LRRFIP1: variants seen among roughly 807,000 people sequenced by gnomAD.
LRRFIP1 encodes leucine-rich repeat flightless-interacting protein 1.
LRRFIP1 carries 62 observed loss-of-function variants against 104.4 expected under a neutral mutation model. That is an observed-to-expected ratio of 0.59 (90% confidence interval 0.48 to 0.73). LRRFIP1 has a LOEUF of 0.73. LRRFIP1 is among the 30% of genes least tolerant of loss of function. The pLI, the probability that LRRFIP1 is intolerant of heterozygous loss-of-function variation, is 0.00. For synonymous variants in LRRFIP1, 300 were observed against 299.0 expected (o/e 1.00, Z -0.03); for missense variants, 796 against 824.5 (o/e 0.97, Z 0.42).
In LRRFIP1 at chr2:237,748,499, C is replaced by T. The variant is rs11692182; in HGVS notation, c.669+100C>T. 53,040 of 1,136,436 alleles carry T rather than the reference C, an allele frequency of 0.047. 1,513 individuals are homozygous for T. Among genetic ancestry groups the T allele is most frequent in the African/African-American group, 0.12 (7,494 of 63,674 alleles). The allele number at this position is 1,136,436 out of a possible 1,614,324, so 70.4% of individuals were successfully genotyped here. On this transcript the variant is annotated intron_variant, in intron 12 of 23. Coordinates refer to ENST00000308482, the MANE Select transcript of LRRFIP1 (RefSeq NM_001137550.2). ...TTTTTTTAATAAGGATGTTCCCCAGCGAGGGAACTGGACTAGAAAGCGGCC... is the reference window on the plus strand; with the variant it reads ...TTTTTTTAATAAGGATGTTCCCCAGTGAGGGAACTGGACTAGAAAGCGGCC...
chr2:237,724,752 T>C (rs978154093), intron 7 of LRRFIP1, among the ~76,000 whole-genome samples: 1 of 152,226 alleles, frequency 6.6e-6, no homozygotes, highest in Non-Finnish European at 1.5e-5. Flanking sequence ...GTTTAAGAGC[T>C]AGCCCCCAGT....
chr2:237,629,007 G>C (rs373314296), intron 1 of LRRFIP1, among the ~76,000 whole-genome samples: 1 of 152,258 alleles, frequency 6.6e-6, no homozygotes, highest in East Asian at 1.9e-4. Flanking sequence ...ATCGCACCAG[G>C]CCTAAGTCTC....
Position 237,772,158 on chromosome 2 carries a change from C to T in LRRFIP1, c.1587C>T (p.Val529=). The change falls in exon 21 of 24, where the codon GTC becomes GTT. Residue 529 remains valine, a synonymous_variant. Transcript: ENST00000308482. ...ACAATCTTCGATCTGAAGATGATGT[C>T]TTGGAAAACGGGACAGACATGCATG... The part of the protein sequence containing the change: ...KLDNLRSEDD[V]LENGTDMHVM... 1 of 1,613,884 alleles carries T rather than the reference C, an allele frequency of 6.2e-7. No homozygotes were observed. Among genetic ancestry groups the T allele is most frequent in the African/African-American group, 1.3e-5 (1 of 75,042 alleles).
chr2:237,630,434 C>T (rs1369324293), intron 1 of LRRFIP1, among the ~76,000 whole-genome samples: 1 of 152,176 alleles, frequency 6.6e-6, no homozygotes, highest in Non-Finnish European at 1.5e-5. Flanking sequence ...GCCTGCCCTC[C>T]AGGAGTTGGG....
chr2:237,736,163 A>G (rs1471698470), intron 10 of LRRFIP1, among the ~76,000 whole-genome samples: 1 of 152,232 alleles, frequency 6.6e-6, no homozygotes, highest in African/African-American at 2.4e-5. Flanking sequence ...ATGGATATTC[A>G]TGAATTCTTA....
intron 11 of LRRFIP1, among the ~76,000 whole-genome samples, chr2:237,742,474 G>A (rs555114807): frequency 2.8e-4 from 42 of 152,278 alleles, no homozygotes; most frequent in South Asian, 2.1e-3. Context: ...GATGTGTTAC[G>A]GTATCCCTTG....
chr2:237,770,962 C>T (rs558070616), intron 20 of LRRFIP1, among the ~76,000 whole-genome samples: 3,161 of 152,236 alleles, frequency 0.021, 108 homozygotes, highest in African/African-American at 0.072. Context: ...TTGGAGAAAG[C>T]ACTAAATATG....
intron 1 of LRRFIP1, chr2:237,692,496 G>GT: frequency 6.5e-7 from 1 of 1,533,530 alleles, no homozygotes. Context: ...GAGATCGACT[G>GT]TTTGAGCCCG....
At chr2:237,701,071 A>G (rs1359339812) in intron 1 of LRRFIP1, among the ~76,000 whole-genome samples, 1 of 152,220 alleles carries the variant, frequency 6.6e-6, no homozygotes, top group Non-Finnish European at 1.5e-5. Flanking sequence ...CTGGAATCCC[A>G]GAAAAGCTTC....
chr2:237,690,747 A>AAG (rs1553638755), intron 1 of LRRFIP1, among the ~76,000 whole-genome samples: 122 of 151,812 alleles, frequency 8.0e-4, no homozygotes, highest in Middle Eastern at 3.4e-3. Context: ...AAAAAAAAAA[A>AAG]AAAGAAAGAA....
chr2:237,759,383 G>A (rs2059628468), intron 18 of LRRFIP1, among the ~76,000 whole-genome samples: 1 of 152,140 alleles, frequency 6.6e-6, no homozygotes, highest in African/African-American at 2.4e-5. Context: ...TCTGCTGCTT[G>A]GCCTCCAGGG....
In LRRFIP1 at chr2:237,735,277, T is replaced by C. The variant is rs1460659120; in HGVS notation, c.499T>C (p.Leu167=). 2 of 1,613,398 alleles carry C rather than the reference T, an allele frequency of 1.2e-6. No homozygotes were observed. The highest frequency in any genetic ancestry group is 8.5e-7 in the Non-Finnish European group (1 of 1,179,794). Residue 167 remains leucine, a synonymous_variant, in exon 10 of 24, where the codon TTG becomes CTG. Transcript: ENST00000308482. This position sits in a 1 kb window ranked among gnomAD's most constrained non-coding sequence, Gnocchi z 4.6. Reference sequence around the variant, plus strand: ...TCTCTTTTGGTCGCAGGCGTCTGTGTTGGATGAAGGCAGCTTCGGTGGGAC... The same window carrying C: ...TCTCTTTTGGTCGCAGGCGTCTGTGCTGGATGAAGGCAGCTTCGGTGGGAC... ...RPSGSYRASV[L]DEGSFGGTRR...
chr2:237,734,202 A>G (rs187864583), intron 9 of LRRFIP1, among the ~76,000 whole-genome samples: 2 of 151,924 alleles, frequency 1.3e-5, no homozygotes, highest in Non-Finnish European at 2.9e-5. Context: ...CCAGTTTTAA[A>G]TATAAGTACT....
chr2:237,679,009 G>T (rs896635608), intron 1 of LRRFIP1, among the ~76,000 whole-genome samples: 3 of 152,178 alleles, frequency 2.0e-5, no homozygotes, highest in Admixed American at 1.3e-4. Context: ...AACTTGCCCA[G>T]CGCTGAAGAC....
At chr2:237,676,120 T>C (rs947703256) in intron 1 of LRRFIP1, among the ~76,000 whole-genome samples, 1 of 152,216 alleles carries the variant, frequency 6.6e-6, no homozygotes, top group Non-Finnish European at 1.5e-5. Flanking sequence ...CATTAAACAC[T>C]GACTCCCCAA....
At chr2:237,754,105 C>T (rs1476824779) in intron 15 of LRRFIP1, among the ~76,000 whole-genome samples, 3 of 152,122 alleles carry the variant, frequency 2.0e-5, no homozygotes, top group Non-Finnish European at 4.4e-5. Context: ...ATGAAAGAGC[C>T]ACCATGCTCA....
chr2:237,774,481 T>G lies in LRRFIP1; in HGVS notation c.1812+19T>G. On this transcript the variant is annotated intron_variant, in intron 23 of 23. Transcript: ENST00000308482. ...AAGAGAGGTAAATTTCCTAGGCAAT[T>G]TCTAGGAAGAGAATGGCTGCCAGTA... 6.6e-7 allele frequency: 1 copy of G among 1,510,486 alleles called. No homozygotes were observed. The highest frequency in any genetic ancestry group is 9.2e-7 in the Non-Finnish European group (1 of 1,088,644). The allele number at this position is 1,510,486 out of a possible 1,614,324, so 93.6% of individuals were successfully genotyped here. A position where few individuals can be genotyped will look rare whatever the true frequency, so the allele number is the denominator to read the frequency against.
At chr2:237,665,003 C>T (rs2088916769) in intron 1 of LRRFIP1, among the ~76,000 whole-genome samples, 1 of 152,182 alleles carries the variant, frequency 6.6e-6, no homozygotes, top group Non-Finnish European at 1.5e-5. Flanking sequence ...TGTCATCAGA[C>T]CATTGCACTG....
chr2:237,754,302 CT>C (rs2059013096), intron 15 of LRRFIP1, among the ~76,000 whole-genome samples: 1 of 152,170 alleles, frequency 6.6e-6, no homozygotes, highest in Admixed American at 6.5e-5. Context: ...TATCACCAAG[CT>C]CAGAGAGAGA....
Sources: gnomAD v4.1 joint callset for allele counts (sites outside exome capture counted in the v4.1 genomes callset) on GRCh38, gnomAD v4.1.1 for gene constraint, Gnocchi (gnomAD v3.1) non-coding constraint, MANE v1.5 for transcripts, NCBI Gene and HGNC (gene_info 2026-07-23, HGNC 2026-07-21) for gene names.